Variants in PLCB2 observed in about 807,000 individuals in gnomAD.
PLCB2 encodes the protein phospholipase C beta 2.
PLCB2 carries 115 observed loss-of-function variants against 141.7 expected under a neutral mutation model. The ratio of observed to expected loss-of-function variants is 0.81; its 90% CI spans 0.70 to 0.95. The LOEUF is 0.95. Ranked by LOEUF, PLCB2 falls within the 40% of genes least tolerant of loss-of-function variation. The probability of loss-of-function intolerance (pLI) is 0.00; values close to 1 mark genes in which losing one functional copy is unlikely to be tolerated. For missense variants in PLCB2, 1,403 were observed against 1,541.1 expected, an observed-to-expected ratio of 0.91 and a Z score of 1.50; for synonymous variants, 603 against 595.6, an observed-to-expected ratio of 1.01 and a Z score of -0.18.
chr15:40,292,515 A>C, intron 21 of PLCB2, 72 bp from the exon 22 acceptor site: 1 of 1,066,702 alleles, frequency 9.4e-7, no homozygotes, highest in South Asian at 1.4e-5. Flanking sequence ...ACAGCCTAGG[A>C]CCCAAGGGTC....
At chr15:40,294,447 G>T in intron 18 of PLCB2, 27 bp from the exon 19 acceptor site, 1 of 1,613,176 alleles carries the variant, frequency 6.2e-7, no homozygotes, top group Non-Finnish European at 8.5e-7. Flanking sequence ...ACTCAGTGAG[G>T]AAGGCCCAGC....
chr15:40,289,080 C>T, intron 31 of PLCB2, 162 bp from the exon 32 acceptor site: 1 of 1,178,644 alleles, frequency 8.5e-7, no homozygotes, highest in Non-Finnish European at 1.2e-6. Context: ...CATCAGGAGC[C>T]TCTCAGGAAA....
In PLCB2 at chr15:40,291,917, A is replaced by G; in HGVS notation, c.2534T>C (p.Phe845Ser). ...GCTGGCAACTGGACTCGCCAGTGGG[A>G]AGGGCTTCTGTGTAGGGAGAGCAGG... is the stretch of plus-strand genomic sequence containing the variant. ...EAMGGLPEKP[F>S]PLASPVASQV... Residue 845 changes from phenylalanine to serine, a missense_variant, in exon 24 of 32, where the codon TTC becomes TCC. Transcript: ENST00000260402. The G allele has an allele frequency of 6.2e-7, 1 of 1,614,132 alleles. No individual in the cohort carries two copies. Among genetic ancestry groups the G allele is most frequent in the South Asian group, 1.1e-5 (1 of 91,078 alleles).
chr15:40,296,946 C>G (rs1420709071), intron 13 of PLCB2, 38 bp from the exon 14 acceptor site: 2 of 1,608,524 alleles, frequency 1.2e-6, no homozygotes, highest in East Asian at 2.2e-5. Context: ...ATCTTCTCAC[C>G]TTCATGGCAT....
chr15:40,294,999 A>C lies in PLCB2; in HGVS notation c.1843T>G (p.Tyr615Asp). The C allele has an allele frequency of 1.9e-6, 3 of 1,614,124 alleles. No homozygotes were observed. The change falls in exon 18 of 32, where the codon TAC becomes GAC. Residue 615 changes from tyrosine (Y) to aspartate (D), a missense_variant. By Grantham distance (160) the Tyr-to-Asp change is radical. Around this residue, in one of 4 missense-constraint regions of PLCB2, gnomAD observed 975 missense variants for 1,141.1 expected, o/e 0.85. Transcript: ENST00000260402. ...GCATTCCAGAACATCTGGGGCATGTAGTTGGAGGAGTCCATGCGGGTTCCC... is the reference window on the plus strand; with the variant it reads ...GCATTCCAGAACATCTGGGGCATGTCGTTGGAGGAGTCCATGCGGGTTCCC... ...PKGTRMDSSN[Y>D]MPQMFWNAGC...
chr15:40,294,260 C>A lies in PLCB2; in HGVS notation c.2061+6G>T. 3 of 1,613,376 alleles carry A rather than the reference C, an allele frequency of 1.9e-6. No individual in the cohort carries two copies. The highest frequency in any genetic ancestry group is 2.5e-6 in the Non-Finnish European group (3 of 1,179,974). On this transcript the variant is annotated splice_donor_region_variant and intron_variant, in intron 19 of 31. Coordinates refer to ENST00000260402, the MANE Select transcript of PLCB2 (RefSeq NM_004573.3). The stretch of plus-strand genomic sequence containing the variant: ...TCCCGGCCACTTGTGTGCCCCAGGG[C>A]CTTGCCGTAATGGAAAGGGTGGTGG...
In PLCB2 at chr15:40,290,636, CTT is replaced by C; in HGVS notation, c.3148_3149del (p.Lys1050GlufsTer26). ...TKEMKKKLET[K>X]RLERIQGMTK... is the part of the protein sequence containing the mutation. ...TCATGCCCTGGATCCGCTCCAGTCT[CTT>C]TGTCTCCAGCTTTTTCTTCATCTCT... is the stretch of plus-strand genomic sequence containing the variant. On this transcript the variant is annotated frameshift_variant, in exon 29 of 32. Transcript: ENST00000260402. LOFTEE classifies it high-confidence loss of function. 1 of 1,614,156 alleles carries C rather than the reference CTT, an allele frequency of 6.2e-7. No homozygotes were observed. Among genetic ancestry groups the C allele is most frequent in the Non-Finnish European group, 8.5e-7 (1 of 1,180,022 alleles).
Position 40,293,630 on chromosome 15 carries a change from C to T in PLCB2, c.2156G>A (p.Arg719Gln), listed in dbSNP as rs768839429. ...GTTAGTACTGGGTGACAGCTTAGTT[C>T]GATAGCGCCTCTTGGGGTCCCCAGG... The part of the protein sequence containing the change: ...GLPGDPKRRY[R>Q]TKLSPSTNSI... The change falls in exon 20 of 32, where the codon CGA becomes CAA. Residue 719 changes from arginine (R) to glutamine (Q), a missense_variant. This residue lies in a region of PLCB2 where 975 missense variants were observed against 1,141.1 expected (regional missense o/e 0.85). Transcript: ENST00000260402. 8.1e-6 allele frequency: 13 copies of T among 1,614,112 alleles called. No homozygotes were observed. Among genetic ancestry groups the T allele is most frequent in the African/African-American group, 5.3e-5 (4 of 75,022 alleles).
intron 1 of PLCB2, 68 bp from the exon 2 acceptor site, chr15:40,304,146 G>T: frequency 9.3e-7 from 1 of 1,077,284 alleles, no homozygotes; most frequent in Non-Finnish European, 1.4e-6. Flanking sequence ...CCAGGCCAGG[G>T]GTTTCAGAGC....
At chr15:40,305,833 G>T (rs1023984750) in intron 1 of PLCB2, among the ~76,000 whole-genome samples, 1 of 152,206 alleles carries the variant, frequency 6.6e-6, no homozygotes, top group Non-Finnish European at 1.5e-5. Flanking sequence ...TATAGCTCAT[G>T]CCTAGAGGGG....
intron 19 of PLCB2, 133 bp downstream of exon 19, chr15:40,294,133 T>G: frequency 1.2e-6 from 1 of 867,588 alleles, no homozygotes. Context: ...AACTTGCTAC[T>G]GCAGGAACTG....
At chr15:40,304,132 T>G (rs939452549) in intron 1 of PLCB2, 54 bp from the exon 2 acceptor site, 1 of 1,265,166 alleles carries the variant, frequency 7.9e-7, no homozygotes, top group Non-Finnish European at 1.1e-6. Context: ...CAAGCCTCCC[T>G]GGTCCAGGCC....
chr15:40,298,733 G>A lies in PLCB2; in HGVS notation c.851-25C>T, dbSNP rs374174761. On this transcript the variant is annotated intron_variant, in intron 9 of 31. Coordinates refer to ENST00000260402, the MANE Select transcript of PLCB2 (RefSeq NM_004573.3). Reference sequence around the variant, plus strand: ...CCTGGGGGACAGGAGATAGCTGTCAGGCTACAACCCCGCTGCCAAGGCAGG... The same window carrying A: ...CCTGGGGGACAGGAGATAGCTGTCAAGCTACAACCCCGCTGCCAAGGCAGG... 46 of 1,612,818 alleles carry A rather than the reference G, an allele frequency of 2.9e-5. No homozygotes were observed. The African/African-American group carries it at 5.7e-4, about 20-fold the overall frequency.
chr15:40,299,184 C>T lies in PLCB2; in HGVS notation c.627G>A (p.Lys209=). 1 of 1,614,028 alleles carries T rather than the reference C, an allele frequency of 6.2e-7. No homozygotes were observed. Among genetic ancestry groups the T allele is most frequent in the Non-Finnish European group, 8.5e-7 (1 of 1,179,868 alleles). ...GAGGACAGAGGCTCATGAGGAAACT[C>T]TTGTAGACAGGTTCTGGGAAGTCCT... ...NPEDFPEPVY[K]SFLMSLCPRP... The change falls in exon 8 of 32, where the codon AAG becomes AAA. Residue 209 remains lysine (K), a synonymous_variant. Transcript: ENST00000260402.
At chr15:40,304,517 C>A (rs760237104) in intron 1 of PLCB2, among the ~76,000 whole-genome samples, 1 of 152,150 alleles carries the variant, frequency 6.6e-6, no homozygotes, top group Non-Finnish European at 1.5e-5. Context: ...TCAACTGTCC[C>A]ATAAAGATAC....
At position 40,288,605 on chromosome 15, in the gene PLCB2, A is replaced by G; in HGVS notation, c.*110T>C. 7.0e-7 allele frequency: 1 copy of G among 1,419,852 alleles called. No homozygotes were observed. The highest frequency in any genetic ancestry group is 9.2e-7 in the Non-Finnish European group (1 of 1,088,116). 88.0% of individuals were successfully genotyped at this position (1,419,852 alleles called of 1,614,324 possible). ...GGGCTGCAGCGTCCAAGGCAGCCACAGGTTCCCACAGCCTCAGAAGGCTGG... is the reference window on the plus strand; with the variant it reads ...GGGCTGCAGCGTCCAAGGCAGCCACGGGTTCCCACAGCCTCAGAAGGCTGG... On this transcript the variant is annotated 3_prime_UTR_variant, in exon 32 of 32. Coordinates refer to ENST00000260402, the MANE Select transcript of PLCB2 (RefSeq NM_004573.3).
chr15:40,289,800 A>T (rs1329648545), intron 30 of PLCB2, among the ~76,000 whole-genome samples: 1 of 152,066 alleles, frequency 6.6e-6, no homozygotes, highest in Non-Finnish European at 1.5e-5. Flanking sequence ...TCAGGCTGGT[A>T]CCCCAACCTC....
rs1481717802 is a variant in PLCB2 at position 40,292,008 on chromosome 15, C to G, written c.2526+56G>C. ...GACTCGGCCCTCTCCCCAGCCTCTCCCATAAATAGGGCTAATCTCTGGTGA... is the reference window on the plus strand; with the variant it reads ...GACTCGGCCCTCTCCCCAGCCTCTCGCATAAATAGGGCTAATCTCTGGTGA... On this transcript the variant is annotated intron_variant, in intron 23 of 31. Transcript: ENST00000260402. 6.2e-6 allele frequency: 10 copies of G among 1,605,988 alleles called. No homozygotes were observed. In the Admixed American group the frequency reaches 1.2e-4, roughly 19 times the overall value.
chr15:40,302,694 T>G, intron 3 of PLCB2, 85 bp from the exon 4 acceptor site: 2 of 1,499,436 alleles, frequency 1.3e-6, no homozygotes, highest in South Asian at 1.2e-5. Flanking sequence ...CCTCAGCCAC[T>G]TGGGCTATGG....
Sources: allele counts gnomAD v4.1 joint callset (sites outside exome capture counted in the v4.1 genomes callset), GRCh38; gene constraint gnomAD v4.1.1; regional missense constraint gnomAD v4.1.1; transcripts MANE v1.5; gene names NCBI Gene and HGNC (gene_info 2026-07-23, HGNC 2026-07-21).